The following GALNTL6 variants were observed in gnomAD, a reference collection of about 807,000 sequenced individuals.
The protein encoded by GALNTL6 is polypeptide N-acetylgalactosaminyltransferase like 6.
A neutral mutation model predicts 73.7 loss-of-function variants in GALNTL6; 46 were observed. The ratio of observed to expected loss-of-function variants is 0.62; its 90% CI spans 0.49 to 0.80. The LOEUF (loss-of-function observed/expected upper bound fraction) is 0.80. Ranked by LOEUF, GALNTL6 falls within the 30% of genes least tolerant of loss-of-function variation. The pLI is 0.00. For synonymous variants in GALNTL6, 259 were observed against 263.7 expected, an observed-to-expected ratio of 0.98 and a Z score of 0.17; for missense variants, 604 against 755.0, an observed-to-expected ratio of 0.80 and a Z score of 2.34.
chr4:171,881,563 G>A (rs1335184946), intron 2 of GALNTL6, among the ~76,000 whole-genome samples: 2 of 152,008 alleles, frequency 1.3e-5, no homozygotes, highest in Non-Finnish European at 2.9e-5. Context: ...TGTCTCTTTT[G>A]GCAACACCCT....
At chr4:172,990,001 C>A (rs940242061) in intron 10 of GALNTL6, among the ~76,000 whole-genome samples, 3 of 152,140 alleles carry the variant, frequency 2.0e-5, no homozygotes, top group Non-Finnish European at 4.4e-5. Flanking sequence ...TCCTCTTGAG[C>A]CTGGGCCCGT....
At chr4:172,892,504 C>T (rs1014995447) in intron 8 of GALNTL6, among the ~76,000 whole-genome samples, 16 of 151,836 alleles carry the variant, frequency 1.1e-4, no homozygotes, top group Non-Finnish European at 2.1e-4. Context: ...ATTCAGGATG[C>T]GAACCAGTAG....
intron 7 of GALNTL6, among the ~76,000 whole-genome samples, chr4:172,827,759 A>G (rs969668642): frequency 5.9e-5 from 9 of 152,192 alleles, no homozygotes; most frequent in African/African-American, 2.2e-4. Flanking sequence ...TCTAAAGCAA[A>G]AGAAGCCTGA....
Position 171,938,053 on chromosome 4 carries a change from CT to C in GALNTL6, c.138+123336del, listed in dbSNP as rs369400809. Among the ~76,000 whole-genome samples, 26 of 152,142 alleles carry C rather than the reference CT, an allele frequency of 1.7e-4. No individual in the cohort carries two copies. The East Asian group carries it at 4.2e-3, about 25-fold the overall frequency. On this transcript the variant is annotated intron_variant, in intron 2 of 12. Transcript: ENST00000506823. ...TTCCATAACAAAGGCCACTTTTTAC[CT>C]GTAGGCTTCAAAACACACCAAAGAT...
At chr4:172,172,770 C>G (rs1444036253) in intron 2 of GALNTL6, among the ~76,000 whole-genome samples, 1 of 152,222 alleles carries the variant, frequency 6.6e-6, no homozygotes, top group Admixed American at 6.5e-5. Context: ...AAGCCGCCAG[C>G]CTCAGGCAGG....
chr4:172,155,400 C>T (rs1455490428), intron 2 of GALNTL6, among the ~76,000 whole-genome samples: 1 of 152,130 alleles, frequency 6.6e-6, no homozygotes, highest in Non-Finnish European at 1.5e-5. Context: ...GAAGCCCTCA[C>T]CAGACATCAG....
chr4:172,323,114 A>G (rs1193951175), intron 4 of GALNTL6, among the ~76,000 whole-genome samples: 1 of 152,208 alleles, frequency 6.6e-6, no homozygotes, highest in East Asian at 1.9e-4. Context: ...GACATAAAAT[A>G]TCATAATACA....
chr4:172,913,669 A>T (rs560645209), intron 8 of GALNTL6, among the ~76,000 whole-genome samples: 1 of 152,326 alleles, frequency 6.6e-6, no homozygotes, highest in South Asian at 2.1e-4. Context: ...GAATGAAATG[A>T]AGTGAGAAGA....
At chr4:172,676,100 G>GCT (rs1732289465) in intron 5 of GALNTL6, among the ~76,000 whole-genome samples, 1 of 152,080 alleles carries the variant, frequency 6.6e-6, no homozygotes, top group African/African-American at 2.4e-5. Flanking sequence ...AACCCAAGAG[G>GCT]CTCATTTTTG....
At chr4:172,638,776 T>C (rs193044647) in intron 5 of GALNTL6, among the ~76,000 whole-genome samples, 3 of 152,188 alleles carry the variant, frequency 2.0e-5, no homozygotes, top group African/African-American at 7.2e-5. Context: ...TTTTTTACTA[T>C]GGAATTTAAT....
chr4:171,922,190 A>G (rs1211445129), intron 2 of GALNTL6, among the ~76,000 whole-genome samples: 3 of 151,960 alleles, frequency 2.0e-5, no homozygotes, highest in East Asian at 3.9e-4. Flanking sequence ...TGGGCCAATA[A>G]GCTTCTTAAT....
intron 2 of GALNTL6, among the ~76,000 whole-genome samples, chr4:171,843,296 A>C (rs2110847016): frequency 6.6e-6 from 1 of 152,232 alleles, no homozygotes; most frequent in South Asian, 2.1e-4. Flanking sequence ...AATGACTATG[A>C]AGACAATTCA....
intron 2 of GALNTL6, among the ~76,000 whole-genome samples, chr4:171,988,943 GT>G (rs758030099): frequency 5.9e-5 from 9 of 151,966 alleles, no homozygotes; most frequent in Admixed American, 2.6e-4. Flanking sequence ...TGGCAATGAG[GT>G]GTGGCTGTAG....
At chr4:172,320,635 T>C (rs1490498150) in intron 4 of GALNTL6, among the ~76,000 whole-genome samples, 2 of 151,780 alleles carry the variant, frequency 1.3e-5, no homozygotes, top group East Asian at 3.9e-4. Context: ...AGAACAAATA[T>C]CACAGAGAGA....
intron 3 of GALNTL6, among the ~76,000 whole-genome samples, chr4:172,281,332 T>C (rs976775637): frequency 2.0e-5 from 3 of 152,186 alleles, no homozygotes; most frequent in Non-Finnish European, 4.4e-5. Flanking sequence ...GCCTTATGGC[T>C]CTACATTACT....
intron 5 of GALNTL6, among the ~76,000 whole-genome samples, chr4:172,638,285 A>C (rs1222245102): frequency 6.6e-6 from 1 of 152,148 alleles, no homozygotes; most frequent in East Asian, 1.9e-4. Context: ...ATTGGCAGAG[A>C]GTGATCTTAA....
intron 5 of GALNTL6, among the ~76,000 whole-genome samples, chr4:172,637,874 C>A: frequency 6.6e-6 from 1 of 152,114 alleles, no homozygotes; most frequent in East Asian, 1.9e-4. Flanking sequence ...GTTTCCCATG[C>A]TTTAATCTCC....
At chr4:172,589,180 A>T (rs1417714799) in intron 5 of GALNTL6, among the ~76,000 whole-genome samples, 3 of 152,204 alleles carry the variant, frequency 2.0e-5, no homozygotes, top group African/African-American at 7.2e-5. Flanking sequence ...AATGTATAAT[A>T]ATAAAGCCCT....
intron 12 of GALNTL6, among the ~76,000 whole-genome samples, chr4:173,022,259 A>C (rs1294860469): frequency 6.6e-6 from 1 of 152,154 alleles, no homozygotes; most frequent in Non-Finnish European, 1.5e-5. Flanking sequence ...ATACATACAC[A>C]TATTTGGCTC....
Sources: allele counts gnomAD v4.1 joint callset (sites outside exome capture counted in the v4.1 genomes callset), GRCh38; gene constraint gnomAD v4.1.1; transcripts MANE v1.5; gene names NCBI Gene and HGNC (gene_info 2026-07-23, HGNC 2026-07-21).